LYRM4: variants seen among roughly 807,000 people sequenced by gnomAD.
LYRM4 encodes LYR motif-containing protein 4.
In LYRM4, 9 loss-of-function variants were observed where a neutral mutation model predicts 11.7. The observed-to-expected ratio is 0.77, with a 90% CI of 0.46 to 1.34. The LOEUF (loss-of-function observed/expected upper bound fraction) is 1.34, where lower values mean the gene tolerates loss of function less well. Among genes scored for constraint, LYRM4 ranks in the 40% most tolerant of loss-of-function variants. The pLI, the probability that LYRM4 is intolerant of heterozygous loss-of-function variation, is 0.00. For synonymous variants in LYRM4, 42 were observed against 40.4 expected (o/e 1.04, Z -0.15); for missense variants, 133 against 112.5 (o/e 1.18, Z -0.82).
chr6:5,166,695 T>A (rs1447484896), intron 2 of LYRM4, among the ~76,000 whole-genome samples: 1 of 152,214 alleles, frequency 6.6e-6, no homozygotes, highest in Non-Finnish European at 1.5e-5. Flanking sequence ...ACATGGTTAC[T>A]TTTGGAGACA....
chr6:5,239,945 G>A (rs915398962), intron 1 of LYRM4, among the ~76,000 whole-genome samples: 2 of 152,328 alleles, frequency 1.3e-5, no homozygotes, highest in South Asian at 2.1e-4. Flanking sequence ...GACAGAGAGA[G>A]AAGGGAAGCT....
At chr6:5,257,252 C>A (rs1338518446) in intron 1 of LYRM4, among the ~76,000 whole-genome samples, 1 of 151,944 alleles carries the variant, frequency 6.6e-6, no homozygotes, top group Non-Finnish European at 1.5e-5. Flanking sequence ...CCTGTCACCG[C>A]CCCCCCAACC....
At chr6:5,086,149 C>A in the LYRM4 span, 1 of 1,515,386 alleles carries the variant, frequency 6.6e-7, no homozygotes, top group Non-Finnish European at 8.8e-7. Flanking sequence ...GTGCCTGGAG[C>A]GCGTGCAGTG....
chr6:5,129,426 T>C (rs1307314449), intron 2 of LYRM4, among the ~76,000 whole-genome samples: 1 of 152,178 alleles, frequency 6.6e-6, no homozygotes, highest in Non-Finnish European at 1.5e-5. Context: ...TTTCCTTGTC[T>C]TTTCCAGCTT....
At chr6:5,142,610 T>C (rs987651110) in intron 2 of LYRM4, among the ~76,000 whole-genome samples, 4 of 152,184 alleles carry the variant, frequency 2.6e-5, no homozygotes, top group African/African-American at 9.7e-5. Flanking sequence ...ATTGCTAGAT[T>C]TCTTGATTTT....
intron 2 of LYRM4, among the ~76,000 whole-genome samples, chr6:5,135,739 T>C (rs1268277343): frequency 6.6e-6 from 1 of 151,628 alleles, no homozygotes; most frequent in Non-Finnish European, 1.5e-5. Flanking sequence ...CTGATGTGTA[T>C]GTGTGTGTGT....
chr6:5,253,364 T>C (rs1435145986), intron 1 of LYRM4, among the ~76,000 whole-genome samples: 1 of 152,194 alleles, frequency 6.6e-6, no homozygotes, highest in Non-Finnish European at 1.5e-5. Flanking sequence ...TGCTGTTTGA[T>C]ACTGGAATAA....
intron 2 of LYRM4, among the ~76,000 whole-genome samples, chr6:5,197,596 C>A (rs1436474880): frequency 6.6e-6 from 1 of 151,928 alleles, no homozygotes; most frequent in Non-Finnish European, 1.5e-5. Context: ...ACTGCTTGAA[C>A]CTGGGAGGCA....
intron 2 of LYRM4, among the ~76,000 whole-genome samples, chr6:5,190,610 C>T (rs948061276): frequency 6.6e-6 from 1 of 151,856 alleles, no homozygotes; most frequent in South Asian, 2.1e-4. Context: ...ATAACAGATC[C>T]CATATATGAC....
At chr6:5,069,176 G>A in the LYRM4 span, among the ~76,000 whole-genome samples, 5 of 152,068 alleles carry the variant, frequency 3.3e-5, no homozygotes, top group African/African-American at 1.2e-4. Flanking sequence ...ATGATCAAAC[G>A]CGGTAGGGCA....
At chr6:5,131,244 T>C (rs1763939246) in intron 2 of LYRM4, among the ~76,000 whole-genome samples, 1 of 152,124 alleles carries the variant, frequency 6.6e-6, no homozygotes, top group Non-Finnish European at 1.5e-5. Flanking sequence ...TGTAGCGAAG[T>C]ATATAAAACC....
At chr6:5,173,424 C>T (rs953699172) in intron 2 of LYRM4, among the ~76,000 whole-genome samples, 7 of 152,204 alleles carry the variant, frequency 4.6e-5, no homozygotes, top group South Asian at 2.1e-4. Context: ...TGTATGTTCT[C>T]GAGATTTGTA....
At chr6:5,047,399 T>G in the LYRM4 span, among the ~76,000 whole-genome samples, 3 of 152,216 alleles carry the variant, frequency 2.0e-5, no homozygotes, top group Admixed American at 1.3e-4. Flanking sequence ...TTTCATGAAC[T>G]CAATATTGCA....
the LYRM4 span, among the ~76,000 whole-genome samples, chr6:5,057,608 G>C: frequency 6.6e-6 from 1 of 151,852 alleles, no homozygotes; most frequent in Non-Finnish European, 1.5e-5. Flanking sequence ...CCAGCTACTC[G>C]GGAGGCTGAG....
intron 2 of LYRM4, among the ~76,000 whole-genome samples, chr6:5,111,048 G>T (rs545664186): frequency 6.6e-6 from 1 of 152,298 alleles, no homozygotes; most frequent in East Asian, 1.9e-4. Context: ...AATAGCTGCT[G>T]GGTGAGCTGA....
At chr6:5,071,103 C>A in the LYRM4 span, among the ~76,000 whole-genome samples, 1 of 150,616 alleles carries the variant, frequency 6.6e-6, no homozygotes, top group Admixed American at 6.6e-5. Flanking sequence ...GCAGGAGAAT[C>A]GCTTGAACTC....
chr6:5,241,894 T>C (rs768978771), intron 1 of LYRM4, among the ~76,000 whole-genome samples: 38 of 152,090 alleles, frequency 2.5e-4, no homozygotes, highest in South Asian at 6.2e-4. Context: ...CTCAGAAATA[T>C]TGGAGATTCT....
In LYRM4 at chr6:5,160,129, G is replaced by T. The variant is rs1277910960; in HGVS notation, c.208-50638C>A. ...ATTTGTGTAACTCATAACAGTAAAT[G>T]GCCCTTTTCTTCAGCTGTGTCTATT... is the stretch of plus-strand genomic sequence containing the variant. On this transcript the variant is annotated intron_variant, in intron 2 of 2. Coordinates refer to ENST00000330636, the MANE Select transcript of LYRM4 (RefSeq NM_020408.6). Among the ~76,000 whole-genome samples the T allele has an allele frequency of 2.0e-5, 3 of 152,162 alleles. 1 individual carries two copies. Among genetic ancestry groups the T allele is most frequent in the South Asian group, 4.1e-4 (2 of 4,826 alleles).
At chr6:5,192,305 G>A (rs183956363) in intron 2 of LYRM4, among the ~76,000 whole-genome samples, 49 of 152,150 alleles carry the variant, frequency 3.2e-4, no homozygotes, top group East Asian at 2.7e-3. Context: ...GAGAACGGCT[G>A]GGGGCAAGGC....
Sources: gnomAD v4.1 joint callset for allele counts (sites outside exome capture counted in the v4.1 genomes callset) on GRCh38, gnomAD v4.1.1 for gene constraint, MANE v1.5 for transcripts, NCBI Gene and HGNC (gene_info 2026-07-23, HGNC 2026-07-21) for gene names.